The following YTHDF3 variants were observed in gnomAD, a reference collection of about 807,000 sequenced individuals.
YTHDF3 encodes the protein YTH domain-containing family protein 3.
In YTHDF3, 9 loss-of-function variants were observed where a neutral mutation model predicts 52.5. The observed-to-expected ratio is 0.17, with a 90% CI of 0.10 to 0.30. The LOEUF (loss-of-function observed/expected upper bound fraction) is 0.30, where lower values mean the gene tolerates loss of function less well. Ranked by LOEUF, YTHDF3 falls within the 10% of genes least tolerant of loss-of-function variation. The probability of loss-of-function intolerance (pLI) is 1.00; values close to 1 mark genes in which losing one functional copy is unlikely to be tolerated. For missense variants in YTHDF3, 534 were observed against 715.0 expected (o/e 0.75, Z 2.89); for synonymous variants, 274 against 243.3 (o/e 1.13, Z -1.18).
At position 63,186,785 on chromosome 8, in the gene YTHDF3, G is replaced by A. The variant is rs556727691; in HGVS notation, c.774G>A (p.Val258=). The change falls in exon 4 of 5, where the codon GTG becomes GTA. Residue 258 remains valine, a synonymous_variant. Transcript: ENST00000539294. ...PQPKLKPKGN[V]GIGGSAVPPP... ...CGAAACTTAAACCCAAGGGCAATGT[G>A]GGAATTGGGGGTTCTGCTGTACCAC... The A allele has an allele frequency of 3.1e-6, 5 of 1,613,970 alleles. No individual in the cohort carries two copies. The African/African-American group carries it at 5.3e-5, about 17-fold the overall frequency.
intron 1 of YTHDF3, chr8:63,169,162 T>C (rs1807101718): frequency 4.3e-6 from 6 of 1,409,884 alleles, no homozygotes; most frequent in Admixed American, 2.9e-5. Context: ...GCGGCAGACA[T>C]GGGGCGGAGA....
chr8:63,195,542 G>A (rs1809175470), intron 4 of YTHDF3, among the ~76,000 whole-genome samples: 3 of 152,096 alleles, frequency 2.0e-5, no homozygotes, highest in African/African-American at 7.2e-5. Flanking sequence ...ATACAGAATG[G>A]GAAAGATGTG....
intron 4 of YTHDF3, chr8:63,188,696 TATATA>T (rs1329538463): frequency 6.1e-4 from 42 of 68,408 alleles, no homozygotes; most frequent in Non-Finnish European, 7.9e-4. Flanking sequence ...TATATATATA[TATATA>T]TTTTTTTTTT....
At chr8:63,199,273 A>G (rs369219324) in intron 4 of YTHDF3, among the ~76,000 whole-genome samples, 1 of 152,194 alleles carries the variant, frequency 6.6e-6, no homozygotes, top group African/African-American at 2.4e-5. Context: ...TTTCATTTAT[A>G]GTCATTTCTT....
At chr8:63,191,360 C>T (rs573941767) in intron 4 of YTHDF3, among the ~76,000 whole-genome samples, 46 of 151,952 alleles carry the variant, frequency 3.0e-4, no homozygotes, top group Non-Finnish European at 4.9e-4. Flanking sequence ...TTTTCCTGCT[C>T]ACATATTTTT....
chr8:63,177,759 ATTTT>A (rs748461151), intron 3 of YTHDF3, among the ~76,000 whole-genome samples: 1 of 140,412 alleles, frequency 7.1e-6, no homozygotes, highest in Admixed American at 7.2e-5. Context: ...TCAAACTCTT[ATTTT>A]TTTTTTTTTT....
upstream of YTHDF3, chr8:63,168,586 G>A (rs1459131421): frequency 1.6e-5 from 9 of 559,642 alleles, no homozygotes; most frequent in East Asian, 9.8e-5. Context: ...CGTCAGAGTG[G>A]AGAGCGGAAG....
At chr8:63,206,795 T>G (rs1053783622) in intron 4 of YTHDF3, among the ~76,000 whole-genome samples, 1 of 152,232 alleles carries the variant, frequency 6.6e-6, no homozygotes, top group African/African-American at 2.4e-5. Flanking sequence ...GTTTCTCTTT[T>G]CTAATTTCCA....
intron 3 of YTHDF3, among the ~76,000 whole-genome samples, chr8:63,182,169 A>G (rs937748915): frequency 6.6e-6 from 1 of 151,414 alleles, no homozygotes; most frequent in African/African-American, 2.4e-5. Flanking sequence ...CCTGGGCCCA[A>G]GCGATCCTCC....
intron 4 of YTHDF3, among the ~76,000 whole-genome samples, chr8:63,200,736 C>T (rs1187322586): frequency 1.3e-5 from 2 of 152,078 alleles, no homozygotes; most frequent in African/African-American, 4.8e-5. Context: ...AGATTAAAGC[C>T]TTATTCAATT....
At position 63,210,717 on chromosome 8, in the gene YTHDF3, T is replaced by C. The variant is rs1810324954; in HGVS notation, c.*1011T>C. ...TTAAAATACTTTGAAAATATGGCCT[T>C]GATCCATGGATTAAATCAGTATCTA... is the stretch of plus-strand genomic sequence containing the variant. On this transcript the variant is annotated 3_prime_UTR_variant, in exon 5 of 5. Transcript: ENST00000539294. 6.6e-6 allele frequency: 1 copy of C among 152,598 alleles called. No individual in the cohort carries two copies. The highest frequency in any genetic ancestry group is 1.5e-5 in the Non-Finnish European group (1 of 67,992). 9.5% of individuals were successfully genotyped at this position (152,598 alleles called of 1,614,324 possible). A position where few individuals can be genotyped will look rare whatever the true frequency, so the allele number is the denominator to read the frequency against.
Position 63,197,413 on chromosome 8 carries a change from A to G in YTHDF3, c.1734+9668A>G, listed in dbSNP as rs1030061010. On this transcript the variant is annotated intron_variant, in intron 4 of 4. Transcript: ENST00000539294. ...AGAAATGGACAGTAGGATATAAAAG[A>G]TTTAATTATATTTAGAACAAAATGT... Among the ~76,000 whole-genome samples the G allele has an allele frequency of 7.9e-5, 12 of 152,318 alleles. No individual in the cohort carries two copies. In the East Asian group the frequency reaches 2.3e-3, roughly 29 times the overall value.
intron 2 of YTHDF3, 45 bp downstream of exon 2, chr8:63,169,456 A>G: frequency 1.3e-6 from 2 of 1,553,882 alleles, no homozygotes; most frequent in Non-Finnish European, 1.7e-6. Context: ...TGTTGCCTTA[A>G]TGTTACTTTT....
intron 4 of YTHDF3, among the ~76,000 whole-genome samples, chr8:63,207,173 T>C (rs918846165): frequency 2.6e-5 from 4 of 152,222 alleles, no homozygotes; most frequent in Admixed American, 2.0e-4. Flanking sequence ...AAAACTGTTA[T>C]GTAGCATGTT....
intron 3 of YTHDF3, among the ~76,000 whole-genome samples, chr8:63,180,826 C>T (rs1346803563): frequency 6.6e-6 from 1 of 152,200 alleles, no homozygotes; most frequent in East Asian, 1.9e-4. Flanking sequence ...ATACGAAAAC[C>T]AGTCAGGCGT....
chr8:63,194,112 T>C lies in YTHDF3; in HGVS notation c.1734+6367T>C, dbSNP rs573088396. On this transcript the variant is annotated intron_variant, in intron 4 of 4. Coordinates refer to ENST00000539294, the MANE Select transcript of YTHDF3 (RefSeq NM_152758.6). ...CCAAATATATTGGTGCCTGAGACAG[T>C]ATAACAGAATAAACTGTAGTTAGAT... Among the ~76,000 whole-genome samples, 12 of 152,174 alleles carry C rather than the reference T, an allele frequency of 7.9e-5. No homozygotes were observed. The South Asian group carries it at 2.3e-3, about 29-fold the overall frequency.
At chr8:63,180,016 C>CG (rs937751454) in intron 3 of YTHDF3, among the ~76,000 whole-genome samples, 12 of 150,036 alleles carry the variant, frequency 8.0e-5, no homozygotes, top group South Asian at 4.2e-4. Context: ...GCTGGCCGGG[C>CG]GGGGGGCTGA....
At chr8:63,193,817 AC>A in intron 4 of YTHDF3, among the ~76,000 whole-genome samples, 2 of 152,342 alleles carry the variant, frequency 1.3e-5, no homozygotes, top group Admixed American at 1.3e-4. Flanking sequence ...AAGAAGTTTG[AC>A]AGTATCAAGT....
chr8:63,176,027 T>C (rs1225170519), intron 3 of YTHDF3, among the ~76,000 whole-genome samples: 6 of 152,350 alleles, frequency 3.9e-5, no homozygotes, highest in Non-Finnish European at 7.4e-5. Context: ...CTGGTGGCTT[T>C]GAGTATTTGT....
Sources: gnomAD v4.1 joint callset for allele counts (sites outside exome capture counted in the v4.1 genomes callset) on GRCh38, gnomAD v4.1.1 for gene constraint, MANE v1.5 for transcripts, NCBI Gene and HGNC (gene_info 2026-07-23, HGNC 2026-07-21) for gene names.